Variants in KLF13 observed in about 807,000 individuals in gnomAD.
The protein encoded by KLF13 is KLF transcription factor 13.
A neutral mutation model predicts 16.7 loss-of-function variants in KLF13; 8 were observed. That is an observed-to-expected ratio of 0.48 (90% confidence interval 0.28 to 0.87). The LOEUF (loss-of-function observed/expected upper bound fraction) is 0.87, where lower values mean the gene tolerates loss of function less well. KLF13 is among the 40% of genes least tolerant of loss of function. KLF13 has a pLI of 0.10. For missense variants in KLF13, 447 were observed against 452.2 expected, an observed-to-expected ratio of 0.99 and a Z score of 0.10; for synonymous variants, 245 against 208.4, an observed-to-expected ratio of 1.18 and a Z score of -1.51.
At chr15:31,400,184 G>A (rs182798806) in intron 2 of KLF13, among the ~76,000 whole-genome samples, 7 of 152,332 alleles carry the variant, frequency 4.6e-5, no homozygotes, top group Admixed American at 3.3e-4. Context: ...CCTCAATGGG[G>A]AAAAGGTATT....
Position 31,327,731 on chromosome 15 carries a change from C to G in KLF13, c.519C>G (p.Gly173=). ...GGAAGCACAAGTGCCACTACGCGGG[C>G]TGCGAGAAAGTTTACGGGAAATCTT... ...PQRKHKCHYA[G]CEKVYGKSSH... Residue 173 remains glycine, a synonymous_variant, in exon 1 of 2, where the codon GGC becomes GGG. Coordinates refer to ENST00000307145, the MANE Select transcript of KLF13 (RefSeq NM_015995.4). 1.3e-6 allele frequency: 2 copies of G among 1,537,758 alleles called. No homozygotes were observed. The highest frequency in any genetic ancestry group is 2.7e-5 in the East Asian group (1 of 37,700).
downstream of KLF13, among the ~76,000 whole-genome samples, chr15:31,381,898 AGG>A (rs1207212204): frequency 6.6e-6 from 1 of 152,234 alleles, no homozygotes; most frequent in East Asian, 1.9e-4. Flanking sequence ...GCCGTTGCTC[AGG>A]GCGGAGAAAG....
chr15:31,415,389 A>C lies in KLF13; in HGVS notation n.118-19981A>C, dbSNP rs373935043. ...CATTCTCCAGACCATATGCTAAACC[A>C]TAAAGCATACCTCAATAAATTTAAC... is the stretch of plus-strand genomic sequence containing the variant. On this transcript the variant is annotated intron_variant and non_coding_transcript_variant, in intron 1 of 1. Transcript: ENST00000558225. Among the ~76,000 whole-genome samples the C allele has an allele frequency of 2.0e-5, 3 of 152,346 alleles. No homozygotes were observed. In the East Asian group the frequency reaches 5.8e-4, roughly 29 times the overall value.
intron 1 of KLF13, among the ~76,000 whole-genome samples, chr15:31,386,367 C>T (rs1026319739): frequency 3.3e-5 from 5 of 152,226 alleles, no homozygotes; most frequent in East Asian, 1.9e-4. Flanking sequence ...GGCGTGGTGG[C>T]GTGCACCTGT....
At chr15:31,350,558 G>GACACCA (rs2039200654) in intron 1 of KLF13, among the ~76,000 whole-genome samples, 1 of 152,246 alleles carries the variant, frequency 6.6e-6, no homozygotes, top group African/African-American at 2.4e-5. Context: ...TAAAGGAAAT[G>GACACCA]ACACCCAAGC....
chr15:31,351,313 T>C (rs971127022), intron 1 of KLF13, among the ~76,000 whole-genome samples: 8 of 152,238 alleles, frequency 5.3e-5, no homozygotes, highest in Admixed American at 4.6e-4. Flanking sequence ...GGAAAATTAA[T>C]GAAGAGGAAA....
Position 31,367,332 on chromosome 15 carries a change from G to A in KLF13, c.578-4678G>A, listed in dbSNP as rs149489805. ...CAGAGAATGGAGCCGTGGGGGCCGC[G>A]TCTGCCTGGGTCAGGACCATGTCTC... is the stretch of plus-strand genomic sequence containing the variant. On this transcript the variant is annotated intron_variant, in intron 1 of 1. Transcript: ENST00000307145. 2.2e-3 allele frequency among the ~76,000 whole-genome samples: 337 copies of A among 152,308 alleles called. 1 individual carries two copies. The highest frequency in any genetic ancestry group is 3.8e-3 in the Non-Finnish European group (257 of 68,020).
rs2038722387 is a variant in KLF13, at chr15:31,327,107, G to A, written c.-106G>A. ...CCCAGCCCAGCCCAGCCCGAGGAGA[G>A]GGCGCGCCGCGCCCCCGCCCCCCGC... On this transcript the variant is annotated 5_prime_UTR_variant, in exon 1 of 2. Coordinates refer to ENST00000307145, the MANE Select transcript of KLF13 (RefSeq NM_015995.4). 16 of 976,054 alleles carry A rather than the reference G, an allele frequency of 1.6e-5. No individual in the cohort carries two copies. The highest frequency in any genetic ancestry group is 2.0e-5 in the Non-Finnish European group (16 of 780,862). 60.5% of individuals were successfully genotyped at this position (976,054 alleles called of 1,614,324 possible).
intron 1 of KLF13, chr15:31,393,361 C>T (rs2039902266): frequency 6.6e-6 from 1 of 152,640 alleles, no homozygotes; most frequent in African/African-American, 2.4e-5. Flanking sequence ...CTCCACTGCT[C>T]CCCCATGAGA....
chr15:31,413,590 C>T (rs1173543537), intron 1 of KLF13, among the ~76,000 whole-genome samples: 1 of 149,676 alleles, frequency 6.7e-6, no homozygotes, highest in Non-Finnish European at 1.5e-5. Context: ...AGAAAAAAAT[C>T]ATCAAGGAAG....
At chr15:31,339,938 C>A (rs1437749713) in intron 1 of KLF13, 1 of 702,330 alleles carries the variant, frequency 1.4e-6, no homozygotes, top group East Asian at 2.7e-5. Context: ...CCTGCTCTGC[C>A]CACCCATGGA....
chr15:31,342,899 G>A (rs1025399790), intron 1 of KLF13, among the ~76,000 whole-genome samples: 5 of 152,208 alleles, frequency 3.3e-5, no homozygotes, highest in Non-Finnish European at 7.3e-5. Flanking sequence ...TCCTGTGGTC[G>A]GAGGTGAACA....
upstream of KLF13, among the ~76,000 whole-genome samples, chr15:31,389,508 C>G (rs919757980): frequency 6.6e-6 from 1 of 152,210 alleles, no homozygotes; most frequent in South Asian, 2.1e-4. Flanking sequence ...CCCTCCTCCC[C>G]CTGTGTTTAC....
chr15:31,416,681 T>C (rs2040260419), intron 1 of KLF13, among the ~76,000 whole-genome samples: 1 of 151,986 alleles, frequency 6.6e-6, no homozygotes, highest in African/African-American at 2.4e-5. Context: ...TCATACTTAA[T>C]AGTGAAAGGA....
At chr15:31,380,351 G>C (rs1447572517), downstream of KLF13, among the ~76,000 whole-genome samples, 1 of 152,230 alleles carries the variant, frequency 6.6e-6, no homozygotes, top group Non-Finnish European at 1.5e-5. Flanking sequence ...CCTGTAGGCA[G>C]TGAGCACCCT....
At chr15:31,408,441 A>T (rs2040153726), downstream of KLF13, among the ~76,000 whole-genome samples, 1 of 152,180 alleles carries the variant, frequency 6.6e-6, no homozygotes, top group African/African-American at 2.4e-5. Context: ...CATCCTTATG[A>T]GAAAGGGAAG....
downstream of KLF13, among the ~76,000 whole-genome samples, chr15:31,381,171 C>CA (rs398043115): frequency 0.011 from 1,382 of 121,476 alleles, 31 homozygotes; most frequent in African/African-American, 0.033. Context: ...GACTCTGTCT[C>CA]AAAAAAAAAA....
intron 1 of KLF13, among the ~76,000 whole-genome samples, chr15:31,410,766 A>G (rs999485236): frequency 1.3e-5 from 2 of 152,200 alleles, no homozygotes; most frequent in African/African-American, 4.8e-5. Flanking sequence ...TTCGAAATAC[A>G]TAAACTAAAA....
At chr15:31,349,932 T>C (rs2039190161) in intron 1 of KLF13, among the ~76,000 whole-genome samples, 1 of 152,232 alleles carries the variant, frequency 6.6e-6, no homozygotes, top group African/African-American at 2.4e-5. Flanking sequence ...TAACCAGCCA[T>C]GTGTTCTTGG....
Sources: gnomAD v4.1 joint callset for allele counts (sites outside exome capture counted in the v4.1 genomes callset) on GRCh38, gnomAD v4.1.1 for gene constraint, MANE v1.5 for transcripts, NCBI Gene and HGNC (gene_info 2026-07-23, HGNC 2026-07-21) for gene names.